RBFOX2: variants seen among roughly 807,000 people sequenced by gnomAD.
RBFOX2 encodes the protein RNA binding protein fox-1 homolog 2.
Under a neutral mutation model 49.1 loss-of-function variants are expected in RBFOX2, and 10 were observed. That is an observed-to-expected ratio of 0.20 (90% CI 0.13 to 0.35). The LOEUF is 0.35. RBFOX2 is among the 10% of genes least tolerant of loss of function. The probability of loss-of-function intolerance (pLI) is 1.00; values close to 1 mark genes in which losing one functional copy is unlikely to be tolerated. For missense variants in RBFOX2, 323 were observed against 486.9 expected (o/e 0.66, Z 3.17); for synonymous variants, 183 against 187.4 (o/e 0.98, Z 0.19).
intron 2 of RBFOX2, 109 bp downstream of exon 3, chr22:35,809,671 G>C (rs778263070): frequency 2.4e-4 from 277 of 1,171,910 alleles, no homozygotes; most frequent in Non-Finnish European, 2.8e-4. Flanking sequence ...AATGAGAACA[G>C]GTGTAAATGC....
intron 1 of RBFOX2, among the ~76,000 whole-genome samples, chr22:36,025,641 G>A (rs1321260724): frequency 1.3e-5 from 2 of 152,054 alleles, no homozygotes; most frequent in African/African-American, 2.4e-5. Flanking sequence ...AAAAATGCAC[G>A]CTTCTTTAAA....
chr22:35,752,052 T>C (rs1271287050), intron 9 of RBFOX2, among the ~76,000 whole-genome samples: 2 of 152,162 alleles, frequency 1.3e-5, no homozygotes, highest in African/African-American at 4.8e-5. Flanking sequence ...TCTTCTTAGG[T>C]GAAAGGAGAA....
intron 1 of RBFOX2, among the ~76,000 whole-genome samples, chr22:35,824,132 G>C (rs1457942105): frequency 1.3e-5 from 2 of 151,996 alleles, no homozygotes; most frequent in Non-Finnish European, 2.9e-5. Flanking sequence ...CTGGGAGACA[G>C]GATGAGACGG....
chr22:36,016,597 T>A (rs1180724448), intron 1 of RBFOX2, among the ~76,000 whole-genome samples: 1 of 152,196 alleles, frequency 6.6e-6, no homozygotes, highest in Non-Finnish European at 1.5e-5. Context: ...AGCCTATACA[T>A]GGGAAAAATC....
chr22:35,981,725 C>A (rs2057465176), intron 1 of RBFOX2, among the ~76,000 whole-genome samples: 1 of 151,878 alleles, frequency 6.6e-6, no homozygotes, highest in Admixed American at 6.6e-5. Flanking sequence ...GGAGGTCAAT[C>A]CCTTAGGAAA....
chr22:35,889,472 C>T (rs1044889498), intron 1 of RBFOX2, among the ~76,000 whole-genome samples: 2 of 152,144 alleles, frequency 1.3e-5, no homozygotes, highest in Non-Finnish European at 2.9e-5. Context: ...GTCAATTTTA[C>T]CTTCTGAATC....
chr22:35,761,008 T>G (rs1033866804), intron 8 of RBFOX2, among the ~76,000 whole-genome samples, 194 bp downstream of exon 9: 2 of 152,220 alleles, frequency 1.3e-5, no homozygotes, highest in African/African-American at 4.8e-5. Context: ...CTATTTCTGC[T>G]TTGTGCAATC....
rs1439715459 is a variant in RBFOX2, at chr22:35,749,813, G to C, written c.888-3252C>G. ...GTGGGAAGGAGGTAGAAGAGACAGG[G>C]TTCAGGCGTGGGGAGGGATATGGCG... On this transcript the variant is annotated intron_variant, in intron 9 of 11. Transcript: ENST00000405409. The surrounding 1 kb of genome is among the most constrained non-coding windows in gnomAD (Gnocchi z 4.1). Among the ~76,000 whole-genome samples the C allele has an allele frequency of 2.6e-5, 4 of 152,126 alleles. No individual in the cohort carries two copies. Among genetic ancestry groups the C allele is most frequent in the Non-Finnish European group, 5.9e-5 (4 of 68,028 alleles).
intron 2 of RBFOX2, among the ~76,000 whole-genome samples, chr22:35,782,366 G>C (rs1945338863): frequency 6.6e-6 from 1 of 152,146 alleles, no homozygotes; most frequent in Admixed American, 6.5e-5. Flanking sequence ...CTGTCGCCCA[G>C]GCTCGAGTGC....
intron 1 of RBFOX2, among the ~76,000 whole-genome samples, chr22:35,814,920 A>G (rs545094403): frequency 6.1e-4 from 93 of 152,052 alleles, no homozygotes; most frequent in Non-Finnish European, 1.0e-3. Context: ...TGTTTAGTAC[A>G]GACACAGTCA....
At chr22:35,874,971 T>C (rs1365836382) in intron 1 of RBFOX2, among the ~76,000 whole-genome samples, 1 of 152,272 alleles carries the variant, frequency 6.6e-6, no homozygotes, top group East Asian at 1.9e-4. Context: ...AATAGGATCA[T>C]TGTCCTTAAA....
intron 1 of RBFOX2, among the ~76,000 whole-genome samples, chr22:36,009,702 T>C (rs1461903958): frequency 6.6e-6 from 1 of 152,182 alleles, no homozygotes; most frequent in Non-Finnish European, 1.5e-5. Context: ...AAGGGCCCTC[T>C]TAACCAAATA....
chr22:35,933,926 TTATA>T lies in RBFOX2; in HGVS notation c.-34+4917_-34+4920del, dbSNP rs3075245. On this transcript the variant is annotated intron_variant, in intron 1 of 13. Transcript: ENST00000359369. ...GTTCTTATAATTATATAATTAAATG[TTATA>T]TATATATATATATATATATATATAC... 2.7e-3 allele frequency among the ~76,000 whole-genome samples: 320 copies of T among 117,998 alleles called. 7 individuals carry two copies. In the East Asian group the frequency reaches 0.032, roughly 12 times the overall value. 77.4% of individuals were successfully genotyped at this position (117,998 alleles called of 152,430 possible).
intron 1 of RBFOX2, among the ~76,000 whole-genome samples, chr22:35,986,639 G>A (rs1437295130): frequency 2.0e-5 from 3 of 152,082 alleles, no homozygotes; most frequent in African/African-American, 7.2e-5. Flanking sequence ...GGCCTCCACT[G>A]GATTAACAAG....
At chr22:35,812,881 G>T (rs186901067) in intron 1 of RBFOX2, among the ~76,000 whole-genome samples, 1 of 152,158 alleles carries the variant, frequency 6.6e-6, no homozygotes, top group Admixed American at 6.5e-5. Context: ...CTCTCACAGC[G>T]TTATTCTCAA....
At chr22:35,872,590 A>G (rs995986698) in intron 1 of RBFOX2, among the ~76,000 whole-genome samples, 2 of 152,158 alleles carry the variant, frequency 1.3e-5, no homozygotes, top group African/African-American at 4.8e-5. Flanking sequence ...TCGGCTGCTC[A>G]GTGGCCTCGG....
intron 2 of RBFOX2, among the ~76,000 whole-genome samples, chr22:35,807,728 A>G (rs1479673342): frequency 6.6e-6 from 1 of 152,028 alleles, no homozygotes; most frequent in Non-Finnish European, 1.5e-5. Flanking sequence ...GAAGAAAGAA[A>G]TAATAACAGA....
At chr22:35,841,041 A>G (rs1958681169), upstream of RBFOX2, among the ~76,000 whole-genome samples, 1 of 152,170 alleles carries the variant, frequency 6.6e-6, no homozygotes, top group African/African-American at 2.4e-5. Context: ...ATGAGAGGTA[A>G]TTTAAATGAT....
chr22:35,970,726 T>C (rs1214579684), intron 1 of RBFOX2, among the ~76,000 whole-genome samples: 1 of 152,252 alleles, frequency 6.6e-6, no homozygotes, highest in Non-Finnish European at 1.5e-5. Context: ...GGACACAAAG[T>C]ATGAAGAGGT....
Sources: allele counts gnomAD v4.1 joint callset (sites outside exome capture counted in the v4.1 genomes callset), GRCh38; gene constraint gnomAD v4.1.1; non-coding constraint Gnocchi (gnomAD v3.1); transcripts MANE v1.5; gene names NCBI Gene and HGNC (gene_info 2026-07-23, HGNC 2026-07-21).